FBXL17: variants seen among roughly 807,000 people sequenced by gnomAD.
The protein encoded by FBXL17 is F-box/LRR-repeat protein 17.
Under a neutral mutation model 66.2 loss-of-function variants are expected in FBXL17, and 22 were observed. The ratio of observed to expected loss-of-function variants is 0.33; its 90% CI spans 0.24 to 0.47. FBXL17 has a LOEUF of 0.47. Ranked by LOEUF, FBXL17 falls within the 20% of genes least tolerant of loss-of-function variation. The pLI is 1.00. For synonymous variants in FBXL17, 474 were observed against 400.5 expected, an observed-to-expected ratio of 1.18 and a Z score of -2.19; for missense variants, 878 against 948.2, an observed-to-expected ratio of 0.93 and a Z score of 0.97.
chr5:107,898,238 C>G (rs1466596590), intron 7 of FBXL17, among the ~76,000 whole-genome samples: 1 of 151,882 alleles, frequency 6.6e-6, no homozygotes, highest in African/African-American at 2.4e-5. Flanking sequence ...GAATTGGTAC[C>G]ATAAACACTT....
chr5:108,168,275 T>A (rs555990900), intron 6 of FBXL17, among the ~76,000 whole-genome samples: 284 of 152,242 alleles, frequency 1.9e-3, no homozygotes, highest in Non-Finnish European at 3.1e-3. Context: ...ATACACCTAC[T>A]CTCTTGAAAT....
At chr5:107,957,643 C>T (rs940770462) in intron 7 of FBXL17, among the ~76,000 whole-genome samples, 7 of 152,090 alleles carry the variant, frequency 4.6e-5, no homozygotes, top group Admixed American at 1.3e-4. Flanking sequence ...TACAGTTCTG[C>T]GCTCACATCA....
intron 4 of FBXL17, among the ~76,000 whole-genome samples, chr5:108,248,181 C>A (rs1756188609): frequency 6.6e-6 from 1 of 152,058 alleles, no homozygotes; most frequent in South Asian, 2.1e-4. Flanking sequence ...TGTAAATCAA[C>A]CATCATAAAA....
At chr5:107,938,389 T>C (rs913789491) in intron 7 of FBXL17, among the ~76,000 whole-genome samples, 1 of 151,880 alleles carries the variant, frequency 6.6e-6, no homozygotes, top group Non-Finnish European at 1.5e-5. Context: ...TGGGAAAACA[T>C]GGTTCTAGGC....
chr5:108,040,375 G>A lies in FBXL17; in HGVS notation c.1746-19374C>T, dbSNP rs189224477. Among the ~76,000 whole-genome samples, 365 of 152,116 alleles carry A rather than the reference G, an allele frequency of 2.4e-3. 3 individuals are homozygous for A. The highest frequency in any genetic ancestry group is 0.014 in the South Asian group (66 of 4,810). ...GGTCTAGCATTATTTATTCCTTAAT[G>A]TATATACTTCTAGACCACCATATAT... On this transcript the variant is annotated intron_variant, in intron 6 of 8. Transcript: ENST00000542267.
At chr5:108,223,252 A>G (rs1023823369) in intron 5 of FBXL17, among the ~76,000 whole-genome samples, 3 of 152,102 alleles carry the variant, frequency 2.0e-5, no homozygotes, top group African/African-American at 4.8e-5. Flanking sequence ...TGTAAGCTCA[A>G]AGAGATCTGA....
At chr5:108,009,300 T>TATATATATATATAC (rs1554056634) in intron 7 of FBXL17, among the ~76,000 whole-genome samples, 9 of 63,272 alleles carry the variant, frequency 1.4e-4, no homozygotes, top group Non-Finnish European at 2.1e-4. Context: ...TATATATATA[T>TATATATATATATAC]ACATATATAC....
chr5:108,071,784 T>C (rs1215499748), intron 6 of FBXL17, among the ~76,000 whole-genome samples: 3 of 152,286 alleles, frequency 2.0e-5, no homozygotes, highest in African/African-American at 7.2e-5. Context: ...TCCCTGCTTC[T>C]ACATATTTCA....
At chr5:108,185,444 C>A (rs764195503) in intron 6 of FBXL17, among the ~76,000 whole-genome samples, 1 of 152,148 alleles carries the variant, frequency 6.6e-6, no homozygotes, top group African/African-American at 2.4e-5. Context: ...CTGCTTTTTG[C>A]CATGCTTGTC....
intron 6 of FBXL17, among the ~76,000 whole-genome samples, chr5:108,069,350 A>T (rs1048049908): frequency 6.6e-6 from 1 of 152,224 alleles, no homozygotes; most frequent in South Asian, 2.1e-4. Flanking sequence ...TCTAGAATAC[A>T]TATTTTATTT....
intron 6 of FBXL17, among the ~76,000 whole-genome samples, chr5:108,108,784 T>G (rs1368369496): frequency 2.1e-5 from 3 of 145,400 alleles, no homozygotes; most frequent in Non-Finnish European, 4.5e-5. Flanking sequence ...CACTTTGTTT[T>G]TGTTTTTTTT....
chr5:107,881,225 GGA>G, intron 7 of FBXL17, 46 bp from the exon 8 acceptor site: 3 of 1,200,470 alleles, frequency 2.5e-6, no homozygotes, highest in South Asian at 1.6e-5. Context: ...GCAGTGTAAG[GGA>G]GCTCTATCTT....
intron 6 of FBXL17, among the ~76,000 whole-genome samples, chr5:108,160,196 T>C (rs1270875614): frequency 6.6e-6 from 1 of 152,166 alleles, no homozygotes; most frequent in Non-Finnish European, 1.5e-5. Context: ...TTAATATAGG[T>C]TGCTTGCAAT....
Position 108,367,841 on chromosome 5 carries a change from C to G in FBXL17, c.1106G>C (p.Ser369Thr). 6.4e-7 allele frequency: 1 copy of G among 1,550,576 alleles called. No individual in the cohort carries two copies. The highest frequency in any genetic ancestry group is 8.7e-7 in the Non-Finnish European group (1 of 1,146,384). The change falls in exon 2 of 9, where the codon AGT (serine) becomes ACT (threonine). Residue 369 changes from serine (S) to threonine (T), a missense_variant. By Grantham distance (58) the Ser-to-Thr change is moderately conservative. This residue lies in a region of FBXL17 where 236 missense variants were observed against 389.1 expected (regional missense o/e 0.61). Transcript: ENST00000542267. ...AATTGGATTCCATACCTGCTGACGA[C>G]TACTAAGATCCAGCTGCTTCCAAAA... Reference protein sequence around the residue: ...FQFWKQLDLSSRQQVTDELLE... With the variant: ...FQFWKQLDLSTRQQVTDELLE...
chr5:108,156,224 G>A (rs72791210), intron 6 of FBXL17, among the ~76,000 whole-genome samples: 2,945 of 151,968 alleles, frequency 0.019, 54 homozygotes, highest in Non-Finnish European at 0.03. Context: ...AAGAGATCAC[G>A]TTATTTATTT....
At chr5:107,902,306 T>C (rs1344571603) in intron 7 of FBXL17, among the ~76,000 whole-genome samples, 1 of 152,198 alleles carries the variant, frequency 6.6e-6, no homozygotes, top group Non-Finnish European at 1.5e-5. Context: ...AATAGGTTTA[T>C]ATGGGAGGAA....
intron 7 of FBXL17, among the ~76,000 whole-genome samples, chr5:107,942,876 AT>A (rs1419803413): frequency 6.6e-6 from 1 of 151,882 alleles, no homozygotes; most frequent in East Asian, 1.9e-4. Flanking sequence ...TTCTCTAAGT[AT>A]TTTGGCAACT....
chr5:107,896,185 C>G (rs528836012), intron 7 of FBXL17, among the ~76,000 whole-genome samples: 5 of 152,016 alleles, frequency 3.3e-5, no homozygotes, highest in African/African-American at 9.6e-5. Flanking sequence ...AGAAGTATCC[C>G]GCATCATTAT....
chr5:108,352,326 T>C (rs1393371386), intron 3 of FBXL17, among the ~76,000 whole-genome samples: 1 of 152,214 alleles, frequency 6.6e-6, no homozygotes, highest in Non-Finnish European at 1.5e-5. Context: ...TCATTATAAC[T>C]GATATATTTA....
Sources: gnomAD v4.1 joint callset for allele counts (sites outside exome capture counted in the v4.1 genomes callset) on GRCh38, gnomAD v4.1.1 for gene constraint, gnomAD v4.1.1 regional missense constraint, MANE v1.5 for transcripts, NCBI Gene and HGNC (gene_info 2026-07-23, HGNC 2026-07-21) for gene names.